Variants in FAF1 observed in about 807,000 individuals in gnomAD.
FAF1 encodes FAS-associated factor 1.
A neutral mutation model predicts 92.5 loss-of-function variants in FAF1; 25 were observed. That is an observed-to-expected ratio of 0.27 (90% confidence interval 0.20 to 0.38). The LOEUF (loss-of-function observed/expected upper bound fraction) is 0.38. Ranked by LOEUF, FAF1 falls within the 10% of genes least tolerant of loss-of-function variation. The probability of loss-of-function intolerance (pLI) is 1.00; values close to 1 mark genes in which losing one functional copy is unlikely to be tolerated. For synonymous variants in FAF1, 234 were observed against 273.2 expected (o/e 0.86, Z 1.42); for missense variants, 636 against 793.3 (o/e 0.80, Z 2.38).
At chr1:50,889,234 A>G (rs1321342440) in intron 1 of FAF1, among the ~76,000 whole-genome samples, 1 of 151,826 alleles carries the variant, frequency 6.6e-6, no homozygotes, top group Non-Finnish European at 1.5e-5. Flanking sequence ...TTTTTATTGC[A>G]TCTATTTGAT....
At chr1:50,634,520 T>G (rs1010336447) in intron 8 of FAF1, among the ~76,000 whole-genome samples, 1 of 152,322 alleles carries the variant, frequency 6.6e-6, no homozygotes, top group South Asian at 2.1e-4. Flanking sequence ...AGTGCACATA[T>G]GTATTATAAA....
chr1:50,444,017 C>T (rs1416810323), intron 18 of FAF1, among the ~76,000 whole-genome samples: 3 of 152,224 alleles, frequency 2.0e-5, no homozygotes, highest in Non-Finnish European at 4.4e-5. Context: ...GCTGTGCTGG[C>T]TGCTCCCTCT....
At chr1:50,713,639 A>T (rs114745413) in intron 6 of FAF1, among the ~76,000 whole-genome samples, 2 of 151,462 alleles carry the variant, frequency 1.3e-5, no homozygotes, top group South Asian at 2.1e-4. Context: ...AGAACCTTTT[A>T]AAAAAAAACA....
intron 4 of FAF1, among the ~76,000 whole-genome samples, chr1:50,769,928 A>T (rs1028771572): frequency 1.3e-5 from 2 of 152,022 alleles, no homozygotes; most frequent in Admixed American, 6.6e-5. Context: ...GCCCATGCCT[A>T]TAGTCCCAGC....
intron 13 of FAF1, among the ~76,000 whole-genome samples, chr1:50,546,756 ACTTTTTATTACATAC>A (rs1389817241): frequency 9.2e-5 from 14 of 152,126 alleles, no homozygotes; most frequent in African/African-American, 3.1e-4. Context: ...TAAGAAGGAG[ACTTTTTATTACATAC>A]CTTTTTATGC....
intron 15 of FAF1, among the ~76,000 whole-genome samples, chr1:50,520,422 T>C (rs1647437385): frequency 6.6e-6 from 1 of 152,240 alleles, no homozygotes; most frequent in Non-Finnish European, 1.5e-5. Context: ...GTCTACGATC[T>C]GCAAACTGGA....
Position 50,539,661 on chromosome 1 carries a change from C to T in FAF1, c.1336G>A (p.Asp446Asn). The part of the protein sequence containing the change: ...VAQTIRTQKT[D>N]QFPLFLIIMG... ...ATAATCAGGAAAAGCGGAAACTGAT[C>T]CGTTTTTTGAGTCCGAATGGTTTGT... The change falls in exon 14 of 19, where the codon GAT becomes AAT. Residue 446 changes from aspartate to asparagine, a missense_variant. This residue lies in a region of FAF1 where 319 missense variants were observed against 451.0 expected (regional missense o/e 0.71). Transcript: ENST00000396153. 6.2e-7 allele frequency: 1 copy of T among 1,612,512 alleles called. No individual in the cohort carries two copies. Among genetic ancestry groups the T allele is most frequent in the Non-Finnish European group, 8.5e-7 (1 of 1,178,842 alleles).
chr1:50,817,718 C>G (rs1195910315), intron 2 of FAF1, among the ~76,000 whole-genome samples: 1 of 152,134 alleles, frequency 6.6e-6, no homozygotes, highest in Non-Finnish European at 1.5e-5. Flanking sequence ...CTAACAGGCA[C>G]AGGGTTTCTT....
chr1:50,581,970 A>G (rs114227402), intron 12 of FAF1, among the ~76,000 whole-genome samples: 1,970 of 151,594 alleles, frequency 0.013, 41 homozygotes, highest in African/African-American at 0.044. Context: ...CTTATCTTCT[A>G]AATTCTTGTT....
intron 4 of FAF1, among the ~76,000 whole-genome samples, chr1:50,758,934 G>A (rs939453052): frequency 4.6e-5 from 7 of 151,652 alleles, no homozygotes; most frequent in African/African-American, 1.5e-4. Context: ...GCTCTGCCTC[G>A]TAGGTTCACA....
chr1:50,546,400 C>G (rs1247738773), intron 13 of FAF1, among the ~76,000 whole-genome samples: 1 of 152,190 alleles, frequency 6.6e-6, no homozygotes, highest in Non-Finnish European at 1.5e-5. Context: ...GAGTCTCACT[C>G]TGTCGTCTAG....
rs139530180 is a variant in FAF1, at chr1:50,613,518, C to T, written c.745-17302G>A. Among the ~76,000 whole-genome samples, 18 of 152,170 alleles carry T rather than the reference C, an allele frequency of 1.2e-4. No individual in the cohort carries two copies. In the East Asian group the frequency reaches 3.5e-3, roughly 29 times the overall value. ...GAATTACAGTAATCCAAATGTCATT[C>T]AGCTCTACGTTGTAAGACATGATTG... is the stretch of plus-strand genomic sequence containing the variant. On this transcript the variant is annotated intron_variant, in intron 8 of 18. Coordinates refer to ENST00000396153, the MANE Select transcript of FAF1 (RefSeq NM_007051.3).
At chr1:50,610,888 A>G (rs1652655211) in intron 8 of FAF1, among the ~76,000 whole-genome samples, 1 of 152,352 alleles carries the variant, frequency 6.6e-6, no homozygotes, top group East Asian at 1.9e-4. Flanking sequence ...TAATTCAACC[A>G]CAAAAACAGT....
chr1:50,541,301 C>T (rs552077125), intron 13 of FAF1, among the ~76,000 whole-genome samples: 12 of 152,164 alleles, frequency 7.9e-5, no homozygotes, highest in Non-Finnish European at 1.6e-4. Context: ...GGTTTAAATA[C>T]ACATTCAGAA....
intron 8 of FAF1, among the ~76,000 whole-genome samples, chr1:50,617,693 GTTTTTTTTTTT>G (rs61376152): frequency 5.9e-5 from 7 of 119,216 alleles, no homozygotes; most frequent in Non-Finnish European, 1.3e-4. Flanking sequence ...CTCCTCTTCT[GTTTTTTTTTTT>G]TTTTTTTTAA....
intron 13 of FAF1, among the ~76,000 whole-genome samples, chr1:50,557,054 C>G (rs1187467089): frequency 6.6e-6 from 1 of 152,058 alleles, no homozygotes; most frequent in African/African-American, 2.4e-5. Flanking sequence ...AATCCAGTAG[C>G]TCATTTATTA....
intron 6 of FAF1, among the ~76,000 whole-genome samples, chr1:50,718,078 G>A (rs556429336): frequency 6.6e-6 from 1 of 151,780 alleles, no homozygotes; most frequent in African/African-American, 2.4e-5. Context: ...GGAGTGCAAT[G>A]GTGTGGTCTC....
intron 6 of FAF1, among the ~76,000 whole-genome samples, chr1:50,735,884 T>C (rs555493912): frequency 6.6e-6 from 1 of 152,136 alleles, no homozygotes; most frequent in South Asian, 2.1e-4. Flanking sequence ...ACCCGGCTAT[T>C]TCATAAAAAT....
chr1:50,647,927 G>A (rs1165397829), intron 8 of FAF1, among the ~76,000 whole-genome samples: 1 of 152,062 alleles, frequency 6.6e-6, no homozygotes, highest in African/African-American at 2.4e-5. Flanking sequence ...GGTTGGAGAA[G>A]GCAGCACGGG....
Sources: gnomAD v4.1 joint callset for allele counts (sites outside exome capture counted in the v4.1 genomes callset) on GRCh38, gnomAD v4.1.1 for gene constraint, gnomAD v4.1.1 regional missense constraint, MANE v1.5 for transcripts, NCBI Gene and HGNC (gene_info 2026-07-23, HGNC 2026-07-21) for gene names.